CDK6: variants seen among roughly 807,000 people sequenced by gnomAD.
CDK6 encodes cyclin dependent kinase 6.
A neutral mutation model predicts 37.1 loss-of-function variants in CDK6; 6 were observed. The observed-to-expected ratio is 0.16, with a 90% CI of 0.09 to 0.32. The LOEUF is 0.32. Among genes scored for constraint, CDK6 ranks in the 10% least tolerant of loss-of-function variants. CDK6 has a pLI of 1.00. For missense variants in CDK6, 224 were observed against 418.9 expected (o/e 0.53, Z 4.06); for synonymous variants, 160 against 161.3 (o/e 0.99, Z 0.06).
chr7:92,771,200 C>A (rs1388439167), intron 3 of CDK6, among the ~76,000 whole-genome samples: 3 of 147,506 alleles, frequency 2.0e-5, no homozygotes, highest in Non-Finnish European at 4.5e-5. Context: ...CGCGCCACTG[C>A]ACTCCAGCCT....
chr7:92,626,202 A>G (rs1795924565), intron 5 of CDK6, among the ~76,000 whole-genome samples: 1 of 152,050 alleles, frequency 6.6e-6, no homozygotes, highest in Admixed American at 6.6e-5. Flanking sequence ...GGTGCTGGGA[A>G]ATACTAAAAA....
At chr7:92,780,763 C>CAAAAAAAAAAAAAAA (rs1190033630) in intron 2 of CDK6, among the ~76,000 whole-genome samples, 4 of 47,830 alleles carry the variant, frequency 8.4e-5, no homozygotes, top group South Asian at 6.1e-4. Context: ...GACTCCATCT[C>CAAAAAAAAAAAAAAA]AAAAAAAAAA....
At chr7:92,676,770 C>T (rs1270410537) in intron 4 of CDK6, among the ~76,000 whole-genome samples, 1 of 151,896 alleles carries the variant, frequency 6.6e-6, no homozygotes, top group Non-Finnish European at 1.5e-5. Context: ...AAGTGAAAAT[C>T]AAAACTAGTG....
At chr7:92,707,037 G>T (rs1413576271) in intron 4 of CDK6, among the ~76,000 whole-genome samples, 1 of 152,154 alleles carries the variant, frequency 6.6e-6, no homozygotes, top group African/African-American at 2.4e-5. Context: ...TCCCTAAGAT[G>T]TTAGTAATCT....
chr7:92,637,854 G>A (rs1358614742), intron 5 of CDK6, among the ~76,000 whole-genome samples: 2 of 152,060 alleles, frequency 1.3e-5, no homozygotes, highest in East Asian at 3.9e-4. Context: ...AAAAGAGAAC[G>A]CTGAGATAAA....
chr7:92,752,542 T>C (rs1002909038), intron 3 of CDK6, among the ~76,000 whole-genome samples: 4 of 152,228 alleles, frequency 2.6e-5, no homozygotes, highest in Non-Finnish European at 5.9e-5. Context: ...TCAGTAATTA[T>C]CATTTTAATG....
At chr7:92,661,652 T>G (rs772329328) in intron 5 of CDK6, among the ~76,000 whole-genome samples, 7 of 152,194 alleles carry the variant, frequency 4.6e-5, no homozygotes, top group Non-Finnish European at 7.4e-5. Context: ...CTTTCTCATC[T>G]TCACATTGAA....
intron 2 of CDK6, among the ~76,000 whole-genome samples, chr7:92,790,834 C>A (rs756783180): frequency 6.6e-5 from 10 of 152,076 alleles, no homozygotes; most frequent in Non-Finnish European, 1.5e-4. Context: ...TCAAGAGTTA[C>A]CCAAGCAAGT....
intron 3 of CDK6, among the ~76,000 whole-genome samples, chr7:92,764,454 C>T (rs1799531477): frequency 6.6e-6 from 1 of 152,148 alleles, no homozygotes; most frequent in African/African-American, 2.4e-5. Context: ...TCATTTCTGA[C>T]ATTCAAGGAA....
chr7:92,708,830 A>C (rs1363207483), intron 4 of CDK6, among the ~76,000 whole-genome samples: 1 of 152,194 alleles, frequency 6.6e-6, no homozygotes, highest in Non-Finnish European at 1.5e-5. Context: ...AATGTTAATC[A>C]TACCAGGAGA....
chr7:92,634,641 A>T (rs1796128295), intron 5 of CDK6, among the ~76,000 whole-genome samples: 1 of 152,206 alleles, frequency 6.6e-6, no homozygotes, highest in South Asian at 2.1e-4. Context: ...CTGTTCAGGA[A>T]AATGGAATAT....
In CDK6 at chr7:92,663,567, G is replaced by A. The variant is rs570170580; in HGVS notation, c.647+7859C>T. ...ATACAAAAAATTAGCTGGGCGTGGCGGCATGTGCCTGTAGTCCCAGCTACT... is the reference window on the plus strand; with the variant it reads ...ATACAAAAAATTAGCTGGGCGTGGCAGCATGTGCCTGTAGTCCCAGCTACT... On this transcript the variant is annotated intron_variant, in intron 5 of 7. Coordinates refer to ENST00000424848, the MANE Select transcript of CDK6 (RefSeq NM_001145306.2). Among the ~76,000 whole-genome samples, 18 of 151,986 alleles carry A rather than the reference G, an allele frequency of 1.2e-4. No individual in the cohort carries two copies. The South Asian group carries it at 3.1e-3, about 26-fold the overall frequency.
Position 92,666,476 on chromosome 7 carries a change from T to C in CDK6, c.647+4950A>G, listed in dbSNP as rs528488086. ...TGTGAGATGATTTAGGGGATAAACA[T>C]GCATGAACTTTCTGAATAGTTTTAG... On this transcript the variant is annotated intron_variant, in intron 5 of 7. Coordinates refer to ENST00000424848, the MANE Select transcript of CDK6 (RefSeq NM_001145306.2). 5.3e-5 allele frequency among the ~76,000 whole-genome samples: 8 copies of C among 152,348 alleles called. No homozygotes were observed. The South Asian group carries it at 1.7e-3, about 32-fold the overall frequency.
intron 5 of CDK6, among the ~76,000 whole-genome samples, chr7:92,626,392 A>T (rs1400998968): frequency 1.3e-5 from 2 of 152,036 alleles, no homozygotes; most frequent in African/African-American, 4.8e-5. Context: ...TCATTTTACC[A>T]GTGGGAGACA....
At chr7:92,825,363 G>C (rs61002315) in intron 2 of CDK6, among the ~76,000 whole-genome samples, 3,933 of 152,096 alleles carry the variant, frequency 0.026, 152 homozygotes, top group South Asian at 0.18. Flanking sequence ...CAAGACACCA[G>C]ACATCATGCT....
chr7:92,778,730 G>C (rs1416918706), intron 2 of CDK6, among the ~76,000 whole-genome samples: 4 of 151,750 alleles, frequency 2.6e-5, no homozygotes, highest in African/African-American at 9.7e-5. Flanking sequence ...ACCAAAAATG[G>C]CATGTCCCTA....
chr7:92,834,041 G>C lies in CDK6; in HGVS notation c.-367-351C>G. The C allele has an allele frequency of 2.5e-6, 1 of 396,138 alleles. No homozygotes were observed. The allele number at this position is 396,138 out of a possible 1,614,324, so 24.5% of individuals were successfully genotyped here. A position where few individuals can be genotyped will look rare whatever the true frequency, so the allele number is the denominator to read the frequency against. ...GAGGCGCCGGGCACGTCAATGTCACGGCTTAATATTTATCCCTATATCATT... is the reference window on the plus strand; with the variant it reads ...GAGGCGCCGGGCACGTCAATGTCACCGCTTAATATTTATCCCTATATCATT... On this transcript the variant is annotated intron_variant, in intron 1 of 7. Transcript: ENST00000424848. The surrounding 1 kb of genome is among the most constrained non-coding windows in gnomAD (Gnocchi z 4.6).
At chr7:92,666,990 T>C (rs1300151985) in intron 5 of CDK6, among the ~76,000 whole-genome samples, 1 of 152,266 alleles carries the variant, frequency 6.6e-6, no homozygotes, top group South Asian at 2.1e-4. Flanking sequence ...ATGCATGTTA[T>C]TGCCCCTGAA....
chr7:92,697,868 C>T (rs1797756356), intron 4 of CDK6, among the ~76,000 whole-genome samples: 4 of 152,166 alleles, frequency 2.6e-5, no homozygotes. Context: ...ATTAATTTCA[C>T]ATTTTAAATG....
Sources: allele counts gnomAD v4.1 joint callset (sites outside exome capture counted in the v4.1 genomes callset), GRCh38; gene constraint gnomAD v4.1.1; non-coding constraint Gnocchi (gnomAD v3.1); transcripts MANE v1.5; gene names NCBI Gene and HGNC (gene_info 2026-07-23, HGNC 2026-07-21).